CTNNA2: variants seen among roughly 807,000 people sequenced by gnomAD.
CTNNA2 encodes the protein catenin alpha-2.
In CTNNA2, 42 loss-of-function variants were observed where a neutral mutation model predicts 101.0. The ratio of observed to expected loss-of-function variants is 0.42; its 90% confidence interval spans 0.32 to 0.54. The LOEUF (loss-of-function observed/expected upper bound fraction) is 0.54. Among genes scored for constraint, CTNNA2 ranks in the 20% least tolerant of loss-of-function variants. The pLI, the probability that CTNNA2 is intolerant of heterozygous loss-of-function variation, is 0.14. For missense variants in CTNNA2, 871 were observed against 1,223.1 expected (o/e 0.71, Z 4.29); for synonymous variants, 450 against 456.4 (o/e 0.99, Z 0.18).
chr2:80,331,018 T>C (rs1671264711), intron 7 of CTNNA2, among the ~76,000 whole-genome samples: 1 of 121,906 alleles, frequency 8.2e-6, no homozygotes, highest in African/African-American at 4.3e-5. Context: ...CTTTAAACTG[T>C]ATGTTTTTTT....
At chr2:79,905,164 T>G (rs1004260806) in intron 6 of CTNNA2, among the ~76,000 whole-genome samples, 1 of 152,152 alleles carries the variant, frequency 6.6e-6, no homozygotes, top group Non-Finnish European at 1.5e-5. Flanking sequence ...AATAATTTTT[T>G]AAAGTAGAGA....
At chr2:80,542,037 A>T (rs923773903) in intron 9 of CTNNA2, among the ~76,000 whole-genome samples, 1 of 151,464 alleles carries the variant, frequency 6.6e-6, no homozygotes, top group African/African-American at 2.4e-5. Flanking sequence ...CCAACCCCAG[A>T]TAATTGTGAA....
intron 3 of CTNNA2, among the ~76,000 whole-genome samples, chr2:79,347,961 T>A (rs150509433): frequency 1.3e-5 from 2 of 152,004 alleles, no homozygotes; most frequent in African/African-American, 4.8e-5. Flanking sequence ...ACACCCCATT[T>A]AATAAATCAG....
intron 3 of CTNNA2, among the ~76,000 whole-genome samples, chr2:79,359,588 T>G (rs959677996): frequency 3.9e-5 from 6 of 152,166 alleles, no homozygotes; most frequent in Non-Finnish European, 8.8e-5. Context: ...AACCCCTTCA[T>G]GGGAAGCCCC....
intron 4 of CTNNA2, among the ~76,000 whole-genome samples, chr2:79,417,122 T>C (rs1304183231): frequency 6.6e-6 from 1 of 152,130 alleles, no homozygotes; most frequent in Non-Finnish European, 1.5e-5. Context: ...TTGAGTGTAT[T>C]GGACAGCACA....
chr2:79,633,899 A>C (rs892293267), intron 1 of CTNNA2: 2 of 152,214 alleles, frequency 1.3e-5, no homozygotes, highest in Middle Eastern at 3.2e-3. Context: ...ATCACTCAGC[A>C]GTCCTTAAGG....
intron 18 of CTNNA2, 46 bp downstream of exon 18, chr2:80,619,274 GAATTCTGAAGGC>G: frequency 6.9e-7 from 1 of 1,440,534 alleles, no homozygotes; most frequent in Non-Finnish European, 9.2e-7. Context: ...TTGTAATCAT[GAATTCTGAAGGC>G]AGGGGGGATT....
intron 4 of CTNNA2, among the ~76,000 whole-genome samples, chr2:79,427,537 T>C (rs1320997745): frequency 6.6e-6 from 1 of 152,052 alleles, no homozygotes; most frequent in Non-Finnish European, 1.5e-5. Context: ...TTTATTTTTC[T>C]TTCCATTCTC....
intron 7 of CTNNA2, among the ~76,000 whole-genome samples, chr2:79,928,159 C>T (rs548521782): frequency 2.6e-5 from 4 of 152,056 alleles, no homozygotes; most frequent in Non-Finnish European, 5.9e-5. Context: ...TTCATTAATA[C>T]CTCAGGATAC....
At chr2:79,223,308 C>T (rs1674369366) in intron 2 of CTNNA2, among the ~76,000 whole-genome samples, 1 of 152,204 alleles carries the variant, frequency 6.6e-6, no homozygotes, top group African/African-American at 2.4e-5. Context: ...CTCAAACTTC[C>T]AGCCTGCAAA....
At chr2:80,577,343 G>A (rs1367210040) in intron 13 of CTNNA2, among the ~76,000 whole-genome samples, 3 of 152,088 alleles carry the variant, frequency 2.0e-5, no homozygotes, top group Non-Finnish European at 4.4e-5. Flanking sequence ...GTACCTGGGT[G>A]GCATTTGAGA....
At chr2:79,225,467 T>G (rs17016634) in intron 2 of CTNNA2, among the ~76,000 whole-genome samples, 34,123 of 152,068 alleles carry the variant, frequency 0.22, 4,691 homozygotes, top group African/African-American at 0.39. Flanking sequence ...CTCTCATCTG[T>G]AGAATTACTA....
At chr2:79,265,171 G>T (rs185517591) in intron 2 of CTNNA2, among the ~76,000 whole-genome samples, 1 of 152,104 alleles carries the variant, frequency 6.6e-6, no homozygotes, top group African/African-American at 2.4e-5. Context: ...TCAAATTGCC[G>T]GTTGGAGACA....
intron 2 of CTNNA2, among the ~76,000 whole-genome samples, chr2:79,301,962 G>T (rs970140881): frequency 1.3e-5 from 2 of 151,892 alleles, no homozygotes; most frequent in East Asian, 3.9e-4. Context: ...GTGTGGTGGC[G>T]GGCTCCTGTA....
intron 1 of CTNNA2, among the ~76,000 whole-genome samples, chr2:79,528,509 A>T (rs1402051672): frequency 1.3e-5 from 2 of 152,140 alleles, no homozygotes; most frequent in African/African-American, 2.4e-5. Flanking sequence ...TTGTGCATAT[A>T]CTATAAAACA....
intron 7 of CTNNA2, among the ~76,000 whole-genome samples, chr2:80,378,444 TACACACACACAC>T: frequency 6.8e-6 from 1 of 147,800 alleles, no homozygotes. Context: ...ACTTGCAGTA[TACACACACACAC>T]ACACACACAC....
At chr2:79,710,295 G>A (rs993909359) in intron 2 of CTNNA2, among the ~76,000 whole-genome samples, 1 of 151,734 alleles carries the variant, frequency 6.6e-6, no homozygotes, top group South Asian at 2.1e-4. Context: ...TTTTATCCAC[G>A]TTACAACTAA....
intron 9 of CTNNA2, among the ~76,000 whole-genome samples, chr2:80,435,397 C>T (rs1358634133): frequency 6.6e-6 from 1 of 152,156 alleles, no homozygotes; most frequent in Non-Finnish European, 1.5e-5. Flanking sequence ...TTGGTAAAAA[C>T]CTCTTGTCAC....
At chr2:79,443,748 G>A (rs912227717) in intron 4 of CTNNA2, among the ~76,000 whole-genome samples, 6 of 152,002 alleles carry the variant, frequency 3.9e-5, no homozygotes, top group African/African-American at 1.4e-4. Flanking sequence ...GCTGTGGTAG[G>A]CAGTTTCTGA....
Sources: allele counts gnomAD v4.1 joint callset (sites outside exome capture counted in the v4.1 genomes callset), GRCh38; gene constraint gnomAD v4.1.1; transcripts MANE v1.5; gene names NCBI Gene and HGNC (gene_info 2026-07-23, HGNC 2026-07-21).